Variants in EVA1C observed in about 807,000 individuals in gnomAD.
EVA1C encodes the protein protein eva-1 homolog C.
In EVA1C, 25 loss-of-function variants were observed where a neutral mutation model predicts 45.4. The observed-to-expected ratio is 0.55, with a 90% confidence interval of 0.40 to 0.77. The LOEUF is 0.77. Ranked by LOEUF, EVA1C falls within the 30% of genes least tolerant of loss-of-function variation. EVA1C has a pLI of 0.00. For missense variants in EVA1C, 479 were observed against 554.8 expected (o/e 0.86, Z 1.37); for synonymous variants, 190 against 221.2 (o/e 0.86, Z 1.25).
intron 2 of EVA1C, among the ~76,000 whole-genome samples, chr21:32,457,085 C>T (rs529724934): frequency 6.6e-6 from 1 of 152,122 alleles, no homozygotes; most frequent in Non-Finnish European, 1.5e-5. Context: ...GTGGATGGTT[C>T]GTAAGCTGGA....
intron 1 of EVA1C, among the ~76,000 whole-genome samples, chr21:32,451,052 C>T (rs1270452533): frequency 6.6e-6 from 1 of 152,182 alleles, no homozygotes; most frequent in Non-Finnish European, 1.5e-5. Context: ...CTCTAGAGAG[C>T]ACTCTGGGCT....
At chr21:32,467,975 T>C in intron 4 of EVA1C, 127 bp downstream of exon 4, 2 of 561,080 alleles carry the variant, frequency 3.6e-6, no homozygotes, top group Non-Finnish European at 5.2e-6. Flanking sequence ...AATCACGATC[T>C]TGTGATCGTG....
At chr21:32,434,593 AAAATAAATAAATAAATAAAT>A (rs202142414) in intron 1 of EVA1C, among the ~76,000 whole-genome samples, 1 of 146,974 alleles carries the variant, frequency 6.8e-6, no homozygotes, top group African/African-American at 2.5e-5. Context: ...TCCGTCTCAA[AAAATAAATAAATAAATAAAT>A]AAATAAATAA....
chr21:32,507,145 A>C (rs1173031856), intron 7 of EVA1C, among the ~76,000 whole-genome samples: 8 of 152,196 alleles, frequency 5.3e-5, no homozygotes, highest in Admixed American at 4.6e-4. Context: ...AGGATGTCCA[A>C]GGGTCCCTGG....
chr21:32,502,040 CT>C (rs199554254), intron 6 of EVA1C, among the ~76,000 whole-genome samples: 18 of 101,592 alleles, frequency 1.8e-4, no homozygotes, highest in Admixed American at 4.4e-4. Context: ...TTCTTTCTTT[CT>C]TTCTTTCTTT....
rs189384825 is a variant in EVA1C, at chr21:32,440,974, T to G, written c.161-12338T>G. 2.6e-3 allele frequency among the ~76,000 whole-genome samples: 397 copies of G among 152,306 alleles called. 2 individuals carry two copies. The highest frequency in any genetic ancestry group is 9.1e-3 in the African/African-American group (379 of 41,580). On this transcript the variant is annotated intron_variant, in intron 1 of 7. Coordinates refer to ENST00000300255, the MANE Select transcript of EVA1C (RefSeq NM_058187.5). ...AAAATTAGCCAGGTGTGATGGCACA[T>G]GCCTGTAATCCCAGCTACTCAGGAG...
At chr21:32,412,611 G>C (rs2033861341), upstream of EVA1C, 2 of 392,522 alleles carry the variant, frequency 5.1e-6, no homozygotes, top group Non-Finnish European at 9.0e-6. Context: ...TTTCCTCTCG[G>C]GGAAACTACG....
intron 4 of EVA1C, among the ~76,000 whole-genome samples, chr21:32,475,927 C>CTATA (rs1241754246): frequency 1.5e-4 from 23 of 150,294 alleles, no homozygotes; most frequent in Admixed American, 8.0e-4. Flanking sequence ...ATCTATCTAT[C>CTATA]TATATAAACA....
At chr21:32,424,213 C>A (rs2034402021) in intron 1 of EVA1C, among the ~76,000 whole-genome samples, 1 of 152,286 alleles carries the variant, frequency 6.6e-6, no homozygotes, top group African/African-American at 2.4e-5. Flanking sequence ...TTTCTCTTGA[C>A]TTAGAAGATT....
At position 32,462,257 on chromosome 21, in the gene EVA1C, C is replaced by A. The variant is rs549464870; in HGVS notation, c.481+4537C>A. On this transcript the variant is annotated intron_variant, in intron 3 of 7. Transcript: ENST00000300255. The stretch of plus-strand genomic sequence containing the variant: ...AAAAAAAAAACAATTAGCAGGGCAT[C>A]ATGGCAGGCACCTGCAGTCCTAGCC... Among the ~76,000 whole-genome samples the A allele has an allele frequency of 2.0e-5, 3 of 149,996 alleles. No homozygotes were observed. The East Asian group carries it at 5.9e-4, about 30-fold the overall frequency.
intron 1 of EVA1C, among the ~76,000 whole-genome samples, chr21:32,446,737 A>T (rs1406543110): frequency 2.0e-5 from 3 of 152,140 alleles, no homozygotes; most frequent in Non-Finnish European, 2.9e-5. Context: ...TCATCCTGGG[A>T]GACGCCTGGT....
At chr21:32,510,618 G>A (rs2146472050) in intron 7 of EVA1C, among the ~76,000 whole-genome samples, 1 of 152,350 alleles carries the variant, frequency 6.6e-6, no homozygotes, top group South Asian at 2.1e-4. Context: ...GGGCAAGAGA[G>A]GAGGATGGGG....
intron 1 of EVA1C, among the ~76,000 whole-genome samples, chr21:32,437,648 G>A (rs1275401220): frequency 1.3e-5 from 2 of 152,162 alleles, no homozygotes. Flanking sequence ...ACCTGTCCCT[G>A]CTACTTGAGG....
chr21:32,432,475 C>G (rs536974039), intron 1 of EVA1C, among the ~76,000 whole-genome samples: 2 of 152,164 alleles, frequency 1.3e-5, no homozygotes, highest in South Asian at 4.2e-4. Context: ...GAACGCACCA[C>G]CAAAGTTGCT....
At chr21:32,476,556 G>A (rs2036572443) in intron 4 of EVA1C, among the ~76,000 whole-genome samples, 1 of 152,218 alleles carries the variant, frequency 6.6e-6, no homozygotes, top group East Asian at 1.9e-4. Flanking sequence ...CCGGAGAATC[G>A]CATGAACCTG....
intron 1 of EVA1C, among the ~76,000 whole-genome samples, chr21:32,433,842 C>T (rs1450784339): frequency 8.8e-6 from 1 of 113,304 alleles, no homozygotes; most frequent in East Asian, 3.1e-4. Context: ...GGGCTTTATC[C>T]AGTATAATGG....
At chr21:32,496,702 G>A (rs957387357) in intron 5 of EVA1C, 2 of 587,196 alleles carry the variant, frequency 3.4e-6, no homozygotes, top group African/African-American at 3.7e-5. Flanking sequence ...CTTCATCAGA[G>A]TGTTGAATAA....
chr21:32,462,783 G>T (rs1444112831), intron 3 of EVA1C, among the ~76,000 whole-genome samples: 2 of 152,230 alleles, frequency 1.3e-5, no homozygotes, highest in Non-Finnish European at 2.9e-5. Context: ...TGCTCCTGCT[G>T]CAGGTAACTA....
chr21:32,481,487 A>G lies in EVA1C; in HGVS notation c.635-13540A>G, dbSNP rs147621427. Among the ~76,000 whole-genome samples the G allele has an allele frequency of 1.2e-4, 17 of 146,422 alleles. No homozygotes were observed. The East Asian group carries it at 3.4e-3, about 29-fold the overall frequency. On this transcript the variant is annotated intron_variant, in intron 4 of 7. Transcript: ENST00000300255. The stretch of plus-strand genomic sequence containing the variant: ...TCTTAAAGACAACAAAAATATCCTC[A>G]GTCAACCCCGTGCAGCCACAAGAAA...
Sources: gnomAD v4.1 joint callset for allele counts (sites outside exome capture counted in the v4.1 genomes callset) on GRCh38, gnomAD v4.1.1 for gene constraint, MANE v1.5 for transcripts, NCBI Gene and HGNC (gene_info 2026-07-23, HGNC 2026-07-21) for gene names.